ERG: variants seen among roughly 807,000 people sequenced by gnomAD.
The protein encoded by ERG is ETS transcription factor ERG, also known as transcriptional regulator ERG.
In ERG, 9 loss-of-function variants were observed where a neutral mutation model predicts 55.3. That is an observed-to-expected ratio of 0.16 (90% CI 0.10 to 0.28). ERG has a LOEUF of 0.28. Among genes scored for constraint, ERG ranks in the 10% least tolerant of loss-of-function variants. The pLI, the probability that ERG is intolerant of heterozygous loss-of-function variation, is 1.00. For missense variants in ERG, 434 were observed against 631.6 expected, an observed-to-expected ratio of 0.69 and a Z score of 3.35; for synonymous variants, 223 against 237.3, an observed-to-expected ratio of 0.94 and a Z score of 0.55.
rs1334712902 is a variant in ERG at position 38,441,976 on chromosome 21, C to T, written c.236+3428G>A. ...GACATGATGGTCTTCACTCGGTATCCACCCACCAAAACACATCACCGATGC... is the reference window on the plus strand; with the variant it reads ...GACATGATGGTCTTCACTCGGTATCTACCCACCAAAACACATCACCGATGC... On this transcript the variant is annotated intron_variant, in intron 2 of 9. Coordinates refer to ENST00000288319, the MANE Select transcript of ERG (RefSeq NM_182918.4). Among the ~76,000 whole-genome samples the T allele has an allele frequency of 2.6e-5, 4 of 152,220 alleles. 1 individual carries two copies. The highest frequency in any genetic ancestry group is 2.0e-4 in the Admixed American group (3 of 15,288).
chr21:38,654,077 C>T (rs376604502), intron 1 of ERG, among the ~76,000 whole-genome samples: 1 of 152,312 alleles, frequency 6.6e-6, no homozygotes, highest in South Asian at 2.1e-4. Flanking sequence ...CCTTGTGGGA[C>T]ATTCTGTCTA....
Position 38,468,896 on chromosome 21 carries a change from A to G in ERG, c.19-23275T>C, listed in dbSNP as rs565735142. Among the ~76,000 whole-genome samples the G allele has an allele frequency of 1.3e-4, 19 of 151,012 alleles. No individual in the cohort carries two copies. The East Asian group carries it at 3.5e-3, about 28-fold the overall frequency. On this transcript the variant is annotated intron_variant, in intron 1 of 9. Transcript: ENST00000288319. ...GCTACTAGGGAGGCTGAGGTAGGAG[A>G]ATAGCGTGAACCCGGGAGGCGGAGC...
At chr21:38,391,116 C>T in intron 8 of ERG, 74 bp from the exon 9 acceptor site, 2 of 1,248,764 alleles carry the variant, frequency 1.6e-6, no homozygotes, top group South Asian at 1.3e-5. Context: ...AGACATAATG[C>T]CTGACTTAAT....
At chr21:38,486,383 C>T (rs778983587) in intron 1 of ERG, among the ~76,000 whole-genome samples, 31 of 152,196 alleles carry the variant, frequency 2.0e-4, no homozygotes, top group Non-Finnish European at 3.5e-4. Flanking sequence ...CTGTAGCCTA[C>T]GTGTGCAGCC....
chr21:38,622,152 C>T (rs2060294603), intron 1 of ERG, among the ~76,000 whole-genome samples: 1 of 152,210 alleles, frequency 6.6e-6, no homozygotes, highest in South Asian at 2.1e-4. Context: ...CCACACAGGC[C>T]TTCATTCAGC....
rs1989649499 is a variant in ERG, at chr21:38,423,518, C to A, written c.280G>T (p.Val94Leu). 1 of 1,614,136 alleles carries A rather than the reference C, an allele frequency of 6.2e-7. No individual in the cohort carries two copies. Among genetic ancestry groups the A allele is most frequent in the African/African-American group, 1.3e-5 (1 of 75,046 alleles). The change falls in exon 3 of 10, where the codon GTG becomes TTG. Residue 94 changes from valine to leucine, a missense_variant. This residue lies in a region of ERG where 212 missense variants were observed against 262.9 expected (regional missense o/e 0.81). Coordinates refer to ENST00000288319, the MANE Select transcript of ERG (RefSeq NM_182918.4). ...ATCCCAACGGTGTCTGGGCTGCCCA[C>A]CATCTTCCCGCCTTTGGCCACACTG... is the stretch of plus-strand genomic sequence containing the variant. ...ECSVAKGGKM[V>L]GSPDTVGMNY...
chr21:38,487,761 G>A (rs1377284072), intron 1 of ERG, among the ~76,000 whole-genome samples: 1 of 152,212 alleles, frequency 6.6e-6, no homozygotes, highest in Non-Finnish European at 1.5e-5. Context: ...CAGATACATA[G>A]GAGGAAAGCA....
At chr21:38,521,167 G>T (rs537490218) in intron 2 of ERG, among the ~76,000 whole-genome samples, 13 of 152,106 alleles carry the variant, frequency 8.5e-5, no homozygotes, top group Non-Finnish European at 1.6e-4. Flanking sequence ...GTGCATCAGA[G>T]ATTCATGGAC....
intron 1 of ERG, among the ~76,000 whole-genome samples, chr21:38,597,500 C>CACACAT (rs1555871973): frequency 6.6e-6 from 1 of 151,090 alleles, no homozygotes; most frequent in East Asian, 1.9e-4. Flanking sequence ...CACACACACA[C>CACACAT]GCACACAGAG....
intron 1 of ERG, among the ~76,000 whole-genome samples, chr21:38,599,342 C>T (rs1340035032): frequency 6.6e-6 from 1 of 152,140 alleles, no homozygotes; most frequent in Non-Finnish European, 1.5e-5. Flanking sequence ...CAGACACACA[C>T]AGGGATGTCA....
intron 6 of ERG, among the ~76,000 whole-genome samples, chr21:38,394,524 T>C (rs1988119585): frequency 6.6e-6 from 1 of 151,982 alleles, no homozygotes; most frequent in South Asian, 2.1e-4. Flanking sequence ...GGCTAATTTT[T>C]CGTATTTTTA....
intron 3 of ERG, among the ~76,000 whole-genome samples, chr21:38,420,328 C>CTG (rs1251924014): frequency 2.0e-5 from 3 of 151,978 alleles, no homozygotes. Flanking sequence ...GTGTTCATCT[C>CTG]TGTGTGTGTA....
At chr21:38,369,979 T>G in the ERG span, among the ~76,000 whole-genome samples, 1 of 152,164 alleles carries the variant, frequency 6.6e-6, no homozygotes, top group Non-Finnish European at 1.5e-5. Context: ...TTGGTCTATG[T>G]GTCTGTTTTT....
chr21:38,410,624 C>G (rs1989003663), intron 3 of ERG, among the ~76,000 whole-genome samples: 1 of 152,160 alleles, frequency 6.6e-6, no homozygotes, highest in Admixed American at 6.5e-5. Flanking sequence ...AAAAATATTT[C>G]CATGAAACAG....
At chr21:38,422,723 G>C (rs1989602005) in intron 3 of ERG, among the ~76,000 whole-genome samples, 1 of 152,156 alleles carries the variant, frequency 6.6e-6, no homozygotes, top group Non-Finnish European at 1.5e-5. Context: ...CTTTGGGTTG[G>C]TTTTGAATTA....
intron 3 of ERG, among the ~76,000 whole-genome samples, chr21:38,421,196 A>C (rs1178040302): frequency 6.6e-6 from 1 of 152,166 alleles, no homozygotes; most frequent in Non-Finnish European, 1.5e-5. Flanking sequence ...ATTCAGGTGC[A>C]TTGTCAAGAT....
At chr21:38,512,027 A>G (rs1004601562) in intron 2 of ERG, among the ~76,000 whole-genome samples, 3 of 152,244 alleles carry the variant, frequency 2.0e-5, no homozygotes, top group Admixed American at 2.0e-4. Flanking sequence ...TGTGCATGAC[A>G]GACTGTCAGC....
At position 38,403,699 on chromosome 21, in the gene ERG, T is replaced by C. The variant is rs778691095; in HGVS notation, c.399A>G (p.Leu133=). ...RRVIVPADPT[L]WSTDHVRQWL... ...ACTGCCGCACATGGTCTGTACTCCA[T>C]AGCGTAGGATCTGAAAGGGGTGGGA... Residue 133 remains leucine, a synonymous_variant, in exon 4 of 10, where the codon CTA becomes CTG. Transcript: ENST00000288319. 15 of 1,614,044 alleles carry C rather than the reference T, an allele frequency of 9.3e-6. No homozygotes were observed. Among genetic ancestry groups the C allele is most frequent in the African/African-American group, 2.7e-5 (2 of 74,936 alleles).
At chr21:38,592,571 CTGTG>C (rs56195027) in intron 1 of ERG, among the ~76,000 whole-genome samples, 26,111 of 147,922 alleles carry the variant, frequency 0.18, 2,697 homozygotes, top group Non-Finnish European at 0.25. Flanking sequence ...TCTCCCTTCA[CTGTG>C]TGTGTGTGTG....
Sources: allele counts gnomAD v4.1 joint callset (sites outside exome capture counted in the v4.1 genomes callset), GRCh38; gene constraint gnomAD v4.1.1; regional missense constraint gnomAD v4.1.1; transcripts MANE v1.5; gene names NCBI Gene and HGNC (gene_info 2026-07-23, HGNC 2026-07-21).